The following C14orf180 variants were observed in gnomAD, a reference collection of about 807,000 sequenced individuals.
The protein encoded by C14orf180 is chromosome 14 open reading frame 180.
Under a neutral mutation model 13.9 loss-of-function variants are expected in C14orf180, and 13 were observed. The observed-to-expected ratio is 0.94, with a 90% CI of 0.61 to 1.49. The LOEUF (loss-of-function observed/expected upper bound fraction) is 1.49. Among genes scored for constraint, C14orf180 ranks in the 40% most tolerant of loss-of-function variants. C14orf180 has a pLI of 0.00. For synonymous variants in C14orf180, 113 were observed against 106.3 expected (o/e 1.06, Z -0.39); for missense variants, 238 against 232.0 (o/e 1.03, Z -0.17).
chr14:104,583,838 A>G (rs1886520253), intron 1 of C14orf180, among the ~76,000 whole-genome samples: 1 of 152,094 alleles, frequency 6.6e-6, no homozygotes, highest in African/African-American at 2.4e-5. Context: ...ACACGGGCAC[A>G]TGCATGGACA....
At chr14:104,584,148 C>A (rs893348300) in intron 1 of C14orf180, among the ~76,000 whole-genome samples, 2 of 152,258 alleles carry the variant, frequency 1.3e-5, no homozygotes, top group Non-Finnish European at 2.9e-5. Context: ...TCCAGCCCTG[C>A]ATCCCTGCGT....
In C14orf180 at chr14:104,588,774, G is replaced by A. The variant is rs1420595322; in HGVS notation, c.474G>A (p.Leu158=). The change falls in exon 5 of 5, where the codon CTG becomes CTA. Residue 158 remains leucine (L), a synonymous_variant. Transcript: ENST00000557649. ...HVALTCWRGL[L]RL ...CCCTCACCTGCTGGCGCGGCCTCCT[G>A]CGGCTCTGACGGGCAGGACGGGCAG... The A allele has an allele frequency of 5.9e-6, 9 of 1,516,140 alleles. No homozygotes were observed. The Admixed American group carries it at 1.2e-4, about 21-fold the overall frequency. The allele number at this position is 1,516,140 out of a possible 1,614,324, so 93.9% of individuals were successfully genotyped here.
Position 104,589,206 on chromosome 14 carries a change from G to T in C14orf180, c.*423G>T. On this transcript the variant is annotated 3_prime_UTR_variant, in exon 5 of 5. Transcript: ENST00000557649. This position sits in a 1 kb window ranked among gnomAD's most constrained non-coding sequence, Gnocchi z 4.9. The stretch of plus-strand genomic sequence containing the variant: ...CGTGTTCAAGGGGCTGCTCGGAGGA[G>T]GCAAACCCAGCCTTTTGCGATTATG... 1 of 319,988 alleles carries T rather than the reference G, an allele frequency of 3.1e-6. No individual in the cohort carries two copies. Among genetic ancestry groups the T allele is most frequent in the East Asian group, 5.1e-5 (1 of 19,776 alleles). The allele number at this position is 319,988 out of a possible 1,614,324, so 19.8% of individuals were successfully genotyped here. A position where few individuals can be genotyped will look rare whatever the true frequency, so the allele number is the denominator to read the frequency against.
chr14:104,588,219 G>A, intron 3 of C14orf180, 55 bp from the exon 4 acceptor site: 1 of 1,608,760 alleles, frequency 6.2e-7, no homozygotes, highest in Non-Finnish European at 8.5e-7. Flanking sequence ...GAGGGCGGGG[G>A]CGCCCGATGG....
At chr14:104,585,710 C>CAG (rs201446200) in intron 1 of C14orf180, among the ~76,000 whole-genome samples, 3 of 121,120 alleles carry the variant, frequency 2.5e-5, no homozygotes, top group African/African-American at 1.9e-4. Context: ...GGCAGGGAGA[C>CAG]AGAGATGGAG....
At chr14:104,582,572 C>A (rs555824248) in intron 1 of C14orf180, among the ~76,000 whole-genome samples, 1 of 152,312 alleles carries the variant, frequency 6.6e-6, no homozygotes, top group Admixed American at 6.5e-5. Context: ...CCCTGACTCC[C>A]GCCTCTGTCC....
chr14:104,583,183 G>A (rs888418595), intron 1 of C14orf180, among the ~76,000 whole-genome samples: 24 of 151,450 alleles, frequency 1.6e-4, no homozygotes, highest in African/African-American at 4.9e-4. Flanking sequence ...GGAGCAGAGC[G>A]TGGCCCACGT....
chr14:104,586,462 A>G lies in C14orf180; in HGVS notation c.32A>G (p.Asp11Gly). The G allele has an allele frequency of 6.5e-7, 1 of 1,545,502 alleles. No individual in the cohort carries two copies. The highest frequency in any genetic ancestry group is 8.7e-7 in the Non-Finnish European group (1 of 1,144,388). ...ACTGCAGCAGGAGCCGTGAGCCCTG[A>G]CTCCCGGCCAGAGACACGACGTCAG... MRTAAGAVSPDSRPETRRQTR... is the reference protein window; with the variant it reads MRTAAGAVSPGSRPETRRQTR... Residue 11 changes from aspartate to glycine, a missense_variant, in exon 2 of 5, where the codon GAC becomes GGC. Physicochemically the swap from Asp to Gly is moderately conservative, Grantham distance 94. Transcript: ENST00000557649.
In C14orf180 at chr14:104,588,960, G is replaced by A. The variant is rs1596292127; in HGVS notation, c.*177G>A. ...CGTGGCGTGAGATCGGACATGGGGG[G>A]CACAGCAGGCGGCCCCGCCACACTA... On this transcript the variant is annotated 3_prime_UTR_variant, in exon 5 of 5. Coordinates refer to ENST00000557649, the MANE Select transcript of C14orf180 (RefSeq NM_001008404.3). 3 of 1,351,704 alleles carry A rather than the reference G, an allele frequency of 2.2e-6. No individual in the cohort carries two copies. The highest frequency in any genetic ancestry group is 2.9e-6 in the Non-Finnish European group (3 of 1,025,950). 83.7% of individuals were successfully genotyped at this position (1,351,704 alleles called of 1,614,324 possible).
At chr14:104,581,985 G>A (rs561952158) in intron 1 of C14orf180, among the ~76,000 whole-genome samples, 11 of 152,156 alleles carry the variant, frequency 7.2e-5, no homozygotes, top group Non-Finnish European at 5.9e-5. Context: ...GGGGTGAGCC[G>A]GGAGTGTGGG....
In C14orf180 at chr14:104,588,451, C is replaced by T. The variant is rs1886713911; in HGVS notation, c.278-127C>T. ...GGGAGCTCTTGTTGCAAGGAGACCC[C>T]AAGAGGCTAGGGAGGGGCCATGGGC... On this transcript the variant is annotated intron_variant, in intron 4 of 4. Transcript: ENST00000557649. The T allele has an allele frequency of 2.7e-6, 4 of 1,486,068 alleles. No homozygotes were observed. The African/African-American group carries it at 5.6e-5, about 21-fold the overall frequency. The allele number at this position is 1,486,068 out of a possible 1,614,324, so 92.1% of individuals were successfully genotyped here.
chr14:104,588,961 C>A lies in C14orf180; in HGVS notation c.*178C>A. ...GTGGCGTGAGATCGGACATGGGGGG[C>A]ACAGCAGGCGGCCCCGCCACACTAG... On this transcript the variant is annotated 3_prime_UTR_variant, in exon 5 of 5. Transcript: ENST00000557649. 7.4e-7 allele frequency: 1 copy of A among 1,354,700 alleles called. No homozygotes were observed. Among genetic ancestry groups the A allele is most frequent in the Non-Finnish European group, 9.7e-7 (1 of 1,027,794 alleles). 83.9% of individuals were successfully genotyped at this position (1,354,700 alleles called of 1,614,324 possible).
At chr14:104,580,277 C>T (rs937245499) in intron 1 of C14orf180, among the ~76,000 whole-genome samples, 1 of 152,186 alleles carries the variant, frequency 6.6e-6, no homozygotes. Context: ...CACCCTTCCC[C>T]CTTCTCCTGG....
chr14:104,588,709 G>A lies in C14orf180; in HGVS notation c.409G>A (p.Ala137Thr). The A allele has an allele frequency of 2.0e-6, 3 of 1,535,678 alleles. No homozygotes were observed. In the South Asian group the frequency reaches 3.6e-5, roughly 18 times the overall value. ...GGCAACGGCACTGGAGGACCTGCGG[G>A]CCCGGCTCCTCGGCCTTGTCCTGCA... is the stretch of plus-strand genomic sequence containing the variant. ...PVATALEDLRARLLGLVLHLR... is the reference protein window; with the variant it reads ...PVATALEDLRTRLLGLVLHLR... Residue 137 changes from alanine to threonine, a missense_variant, in exon 5 of 5, where the codon GCC becomes ACC. Physicochemically the swap from Ala to Thr is moderately conservative, Grantham distance 58 (BLOSUM62 0). Coordinates refer to ENST00000557649, the MANE Select transcript of C14orf180 (RefSeq NM_001008404.3).
At chr14:104,580,620 T>A (rs890705900) in intron 1 of C14orf180, among the ~76,000 whole-genome samples, 1 of 152,240 alleles carries the variant, frequency 6.6e-6, no homozygotes, top group Non-Finnish European at 1.5e-5. Flanking sequence ...CTCCAGTAAC[T>A]GAAGCCTAGT....
At chr14:104,582,675 G>A (rs1030161942) in intron 1 of C14orf180, among the ~76,000 whole-genome samples, 1 of 152,188 alleles carries the variant, frequency 6.6e-6, no homozygotes, top group Non-Finnish European at 1.5e-5. Context: ...CTCAGTAGAG[G>A]AGCTGGTAAG....
intron 2 of C14orf180, among the ~76,000 whole-genome samples, 186 bp from the exon 3 acceptor site, chr14:104,587,563 C>T (rs1421064302): frequency 1.3e-5 from 2 of 151,916 alleles, no homozygotes; most frequent in Admixed American, 1.3e-4. Flanking sequence ...CTGAGTCTGG[C>T]TGCCCTGCAG....
intron 1 of C14orf180, among the ~76,000 whole-genome samples, chr14:104,582,209 C>T (rs1376980939): frequency 6.6e-6 from 1 of 152,130 alleles, no homozygotes; most frequent in Non-Finnish European, 1.5e-5. Flanking sequence ...AGCCAGCGGG[C>T]GGCGTCCTGG....
intron 3 of C14orf180, 95 bp downstream of exon 3, chr14:104,587,973 C>A: frequency 6.9e-7 from 1 of 1,443,624 alleles, no homozygotes; most frequent in East Asian, 2.5e-5. Context: ...CTGGCAGGGC[C>A]CAGGACATGG....
Sources: allele counts gnomAD v4.1 joint callset (sites outside exome capture counted in the v4.1 genomes callset), GRCh38; gene constraint gnomAD v4.1.1; non-coding constraint Gnocchi (gnomAD v3.1); transcripts MANE v1.5; gene names NCBI Gene and HGNC (gene_info 2026-07-23, HGNC 2026-07-21).